RHBDL2: variants seen among roughly 807,000 people sequenced by gnomAD.
RHBDL2 encodes rhomboid-related protein 2.
RHBDL2 carries 26 observed loss-of-function variants against 31.7 expected under a neutral mutation model. That is an observed-to-expected ratio of 0.82 (90% CI 0.60 to 1.14). RHBDL2 has a LOEUF of 1.14. Ranked by LOEUF, RHBDL2 falls within the 50% of genes most tolerant of loss-of-function variation. The pLI is 0.00. For synonymous variants in RHBDL2, 123 were observed against 127.2 expected, an observed-to-expected ratio of 0.97 and a Z score of 0.22; for missense variants, 336 against 364.4, an observed-to-expected ratio of 0.92 and a Z score of 0.63.
chr1:38,897,669 C>T (rs115841650), intron 4 of RHBDL2, among the ~76,000 whole-genome samples: 64 of 152,286 alleles, frequency 4.2e-4, no homozygotes, highest in African/African-American at 1.4e-3. Flanking sequence ...GAGCTATCAT[C>T]GTGCCACTGC....
intron 3 of RHBDL2, among the ~76,000 whole-genome samples, chr1:38,914,096 A>T (rs899731780): frequency 3.3e-5 from 5 of 151,150 alleles, no homozygotes; most frequent in African/African-American, 9.7e-5. Context: ...CAGCCTGGCG[A>T]TAGAGCTAGA....
At chr1:38,924,782 C>CTTTTTTTT (rs111244874) in intron 1 of RHBDL2, among the ~76,000 whole-genome samples, 4 of 125,840 alleles carry the variant, frequency 3.2e-5, no homozygotes, top group African/African-American at 9.2e-5. Context: ...TTTCTTTTTT[C>CTTTTTTTT]TTTTTTTTTT....
At chr1:38,899,835 G>A (rs1313051667) in intron 4 of RHBDL2, among the ~76,000 whole-genome samples, 1 of 152,178 alleles carries the variant, frequency 6.6e-6, no homozygotes, top group Non-Finnish European at 1.5e-5. Context: ...CTCATGGCCA[G>A]GGTGATAATG....
At chr1:38,894,417 G>C (rs1401472133) in intron 5 of RHBDL2, among the ~76,000 whole-genome samples, 1 of 151,996 alleles carries the variant, frequency 6.6e-6, no homozygotes, top group Non-Finnish European at 1.5e-5. Context: ...CCACCTCCCG[G>C]GTTCAAGCGA....
At chr1:38,940,772 C>T (rs1222986907) in intron 1 of RHBDL2, among the ~76,000 whole-genome samples, 8 of 152,130 alleles carry the variant, frequency 5.3e-5, no homozygotes, top group Non-Finnish European at 8.8e-5. Context: ...AGCTGGCCGC[C>T]GTGCCTCAGT....
intron 3 of RHBDL2, among the ~76,000 whole-genome samples, chr1:38,912,948 G>A (rs11589913): frequency 0.17 from 17,546 of 105,128 alleles, 2,912 homozygotes; most frequent in African/African-American, 0.43. Flanking sequence ...GTGTGTGTGT[G>A]TATTTACATA....
chr1:38,929,373 C>T, intron 1 of RHBDL2: 2 of 1,285,120 alleles, frequency 1.6e-6, no homozygotes, highest in South Asian at 1.2e-5. Flanking sequence ...TTTGAGAAGC[C>T]AGAGGACTAA....
At chr1:38,930,258 C>T (rs938417668) in intron 1 of RHBDL2, among the ~76,000 whole-genome samples, 2 of 152,190 alleles carry the variant, frequency 1.3e-5, no homozygotes, top group African/African-American at 4.8e-5. Context: ...TCTCACTCTA[C>T]AGAACCACTT....
chr1:38,896,684 T>G (rs1272866464), intron 4 of RHBDL2, among the ~76,000 whole-genome samples: 1 of 152,176 alleles, frequency 6.6e-6, no homozygotes, highest in East Asian at 1.9e-4. Context: ...AGAATCCTTC[T>G]CAACATACGA....
chr1:38,915,805 C>T (rs1643228192), intron 2 of RHBDL2, 95 bp from the exon 3 acceptor site: 1 of 1,175,254 alleles, frequency 8.5e-7, no homozygotes, highest in Non-Finnish European at 1.2e-6. Flanking sequence ...GATGATTCAG[C>T]TCTCAAGTGG....
intron 3 of RHBDL2, among the ~76,000 whole-genome samples, chr1:38,911,812 T>C (rs1643152446): frequency 1.3e-5 from 2 of 151,680 alleles, no homozygotes; most frequent in South Asian, 2.1e-4. Context: ...GCTAATTTTT[T>C]TTTCTTTTTT....
chr1:38,934,678 C>T, intron 1 of RHBDL2, among the ~76,000 whole-genome samples: 1 of 126,744 alleles, frequency 7.9e-6, no homozygotes, highest in Non-Finnish European at 1.7e-5. Flanking sequence ...AAAAAAATGG[C>T]TGGGCGCGGT....
chr1:38,898,945 G>A (rs4970634), intron 4 of RHBDL2, among the ~76,000 whole-genome samples: 84,854 of 151,998 alleles, frequency 0.56, 25,163 homozygotes, highest in Non-Finnish European at 0.67. Context: ...TATGACAGGT[G>A]AGTTACATCT....
rs771045170 is a variant in RHBDL2, at chr1:38,919,138, C to T, written c.75G>A (p.Glu25=). Reference sequence around the variant, plus strand: ...CATCCTCTCTCATTTTCTCCTCTTCCTCCAGCTCTTCTTTCATCTCTCTCC... The same window carrying T: ...CATCCTCTCTCATTTTCTCCTCTTCTTCCAGCTCTTCTTTCATCTCTCTCC... ...NMGREMKEEL[E]EEEKMREDGG... is the part of the protein sequence containing the mutation. Residue 25 remains glutamate (E), a synonymous_variant, in exon 2 of 8, where the codon GAG becomes GAA. Coordinates refer to ENST00000372990, the MANE Select transcript of RHBDL2 (RefSeq NM_017821.5). 1 of 1,614,134 alleles carries T rather than the reference C, an allele frequency of 6.2e-7. No homozygotes were observed. The highest frequency in any genetic ancestry group is 1.1e-5 in the South Asian group (1 of 91,082).
At chr1:38,896,466 C>T (rs982777565) in intron 4 of RHBDL2, among the ~76,000 whole-genome samples, 3 of 152,102 alleles carry the variant, frequency 2.0e-5, no homozygotes, top group Non-Finnish European at 4.4e-5. Flanking sequence ...TAGAATACTG[C>T]TTGATGTGTA....
chr1:38,925,192 A>G (rs1007372322), intron 1 of RHBDL2, among the ~76,000 whole-genome samples: 2 of 152,012 alleles, frequency 1.3e-5, no homozygotes, highest in Non-Finnish European at 2.9e-5. Context: ...GTGTCTCCCA[A>G]AATTACATTG....
chr1:38,934,957 C>CA (rs34194396), intron 1 of RHBDL2, among the ~76,000 whole-genome samples: 25,812 of 148,390 alleles, frequency 0.17, 3,167 homozygotes, highest in African/African-American at 0.35. Flanking sequence ...GGCTCAGTCG[C>CA]AAAAAAAAAA....
At chr1:38,920,324 C>T (rs1446950325) in intron 1 of RHBDL2, among the ~76,000 whole-genome samples, 2 of 151,460 alleles carry the variant, frequency 1.3e-5, no homozygotes, top group African/African-American at 2.4e-5. Context: ...CCCGGCACCA[C>T]ACCCAGAAAA....
chr1:38,929,353 G>A, intron 1 of RHBDL2: 1 of 1,261,552 alleles, frequency 7.9e-7, no homozygotes, highest in Non-Finnish European at 1.0e-6. Flanking sequence ...ACGGGAAAAG[G>A]ATTTGCCTCT....
Sources: gnomAD v4.1 joint callset for allele counts (sites outside exome capture counted in the v4.1 genomes callset) on GRCh38, gnomAD v4.1.1 for gene constraint, MANE v1.5 for transcripts, NCBI Gene and HGNC (gene_info 2026-07-23, HGNC 2026-07-21) for gene names.